GABBR2: variants seen among roughly 807,000 people sequenced by gnomAD.
GABBR2 encodes G-protein coupled receptor 51.
Under a neutral mutation model 105.6 loss-of-function variants are expected in GABBR2, and 23 were observed. The observed-to-expected ratio is 0.22, with a 90% CI of 0.16 to 0.31. The LOEUF (loss-of-function observed/expected upper bound fraction) is 0.31, where lower values mean the gene tolerates loss of function less well. Ranked by LOEUF, GABBR2 falls within the 10% of genes least tolerant of loss-of-function variation. GABBR2 has a pLI of 1.00. For missense variants in GABBR2, 734 were observed against 1,245.5 expected, an observed-to-expected ratio of 0.59 and a Z score of 6.18; for synonymous variants, 478 against 499.7, an observed-to-expected ratio of 0.96 and a Z score of 0.58.
At chr9:98,554,478 A>G (rs1319257456) in intron 2 of GABBR2, among the ~76,000 whole-genome samples, 5 of 152,256 alleles carry the variant, frequency 3.3e-5, no homozygotes, top group African/African-American at 1.2e-4. Context: ...CAATGAAAAC[A>G]TATGAAACAA....
At chr9:98,371,093 C>T (rs1831773176) in intron 12 of GABBR2, among the ~76,000 whole-genome samples, 1 of 152,136 alleles carries the variant, frequency 6.6e-6, no homozygotes. Context: ...CCTGACCACC[C>T]TCCTCCCATC....
chr9:98,470,727 C>T (rs1302036721), intron 6 of GABBR2, among the ~76,000 whole-genome samples: 2 of 152,172 alleles, frequency 1.3e-5, no homozygotes, highest in South Asian at 2.1e-4. Context: ...ACCTCACTTT[C>T]CTCACCCTAA....
At chr9:98,669,803 G>T (rs1830384303) in intron 1 of GABBR2, among the ~76,000 whole-genome samples, 1 of 152,126 alleles carries the variant, frequency 6.6e-6, no homozygotes, top group Admixed American at 6.5e-5. Context: ...GGGGCTGGGG[G>T]CTGGCACAGT....
chr9:98,299,685 G>C (rs1398626492), intron 16 of GABBR2, among the ~76,000 whole-genome samples: 1 of 152,120 alleles, frequency 6.6e-6, no homozygotes, highest in African/African-American at 2.4e-5. Context: ...GCAAACCCAA[G>C]GCTGCCCCTT....
chr9:98,651,289 A>G (rs1054437601), intron 1 of GABBR2, among the ~76,000 whole-genome samples: 1 of 151,760 alleles, frequency 6.6e-6, no homozygotes, highest in Non-Finnish European at 1.5e-5. Context: ...GATTACAGGC[A>G]TGCACCACCA....
At chr9:98,528,565 C>G (rs1828006084) in intron 3 of GABBR2, among the ~76,000 whole-genome samples, 1 of 151,814 alleles carries the variant, frequency 6.6e-6, no homozygotes, top group Non-Finnish European at 1.5e-5. Context: ...ACAAATATGA[C>G]AAAAGGCTGA....
chr9:98,369,545 T>G (rs2131458556), intron 12 of GABBR2, among the ~76,000 whole-genome samples: 1 of 152,160 alleles, frequency 6.6e-6, no homozygotes, highest in East Asian at 1.9e-4. Context: ...GACTAAGAGC[T>G]TTGTCTAACA....
At chr9:98,663,150 C>T (rs1253306982) in intron 1 of GABBR2, among the ~76,000 whole-genome samples, 3 of 151,102 alleles carry the variant, frequency 2.0e-5, no homozygotes, top group Non-Finnish European at 4.4e-5. Context: ...AATGCCAGAA[C>T]TGTCATCAAG....
intron 13 of GABBR2, among the ~76,000 whole-genome samples, chr9:98,357,620 T>C (rs10985999): frequency 0.044 from 6,624 of 151,940 alleles, 455 homozygotes; most frequent in East Asian, 0.25. Flanking sequence ...CCAGTCTGGG[T>C]AACAGAGTGA....
intron 1 of GABBR2, among the ~76,000 whole-genome samples, chr9:98,584,839 G>A (rs1254461468): frequency 6.6e-5 from 10 of 152,088 alleles, no homozygotes; most frequent in Non-Finnish European, 1.0e-4. Flanking sequence ...GGTCTCCCAC[G>A]CAGGAGCACT....
chr9:98,688,604 C>T (rs992557637), intron 1 of GABBR2, among the ~76,000 whole-genome samples: 2 of 152,160 alleles, frequency 1.3e-5, no homozygotes, highest in South Asian at 2.1e-4. Flanking sequence ...GCTCCCTGAT[C>T]TAATCAGCCT....
intron 7 of GABBR2, among the ~76,000 whole-genome samples, chr9:98,441,877 T>C (rs1444714594): frequency 1.3e-5 from 2 of 152,120 alleles, no homozygotes; most frequent in Middle Eastern, 3.2e-3. Context: ...ACCACTGCCA[T>C]GGAAAAAGTT....
chr9:98,365,413 C>T (rs1342275564), intron 12 of GABBR2, among the ~76,000 whole-genome samples: 2 of 152,110 alleles, frequency 1.3e-5, no homozygotes, highest in Non-Finnish European at 2.9e-5. Flanking sequence ...TGATACTGCA[C>T]CTAAGCTCTA....
chr9:98,376,761 G>C (rs993569729), intron 11 of GABBR2, among the ~76,000 whole-genome samples: 7 of 152,194 alleles, frequency 4.6e-5, no homozygotes, highest in African/African-American at 1.7e-4. Flanking sequence ...CTGGAGCTTA[G>C]AGTACAGCAG....
chr9:98,324,493 G>GACACACACACACACACACAC (rs3983548), intron 13 of GABBR2, among the ~76,000 whole-genome samples: 1 of 143,378 alleles, frequency 7.0e-6, no homozygotes, highest in Admixed American at 6.9e-5. Context: ...CTACAGAGCC[G>GACACACACACACACACACAC]ACACACACAC....
At chr9:98,423,676 T>C (rs1832824751) in intron 7 of GABBR2, among the ~76,000 whole-genome samples, 1 of 152,242 alleles carries the variant, frequency 6.6e-6, no homozygotes, top group Admixed American at 6.5e-5. Context: ...ATGAAGTCCT[T>C]GCCCATGCCT....
intron 1 of GABBR2, among the ~76,000 whole-genome samples, chr9:98,684,814 A>G (rs1289667714): frequency 1.3e-5 from 2 of 152,194 alleles, no homozygotes; most frequent in African/African-American, 2.4e-5. Flanking sequence ...CGTCAGCGCA[A>G]TGGACTCTGC....
intron 2 of GABBR2, among the ~76,000 whole-genome samples, chr9:98,557,491 A>G (rs1161923059): frequency 2.0e-5 from 3 of 152,194 alleles, no homozygotes; most frequent in Non-Finnish European, 2.9e-5. Flanking sequence ...GGTCAATATG[A>G]AGAAGAAACC....
At chr9:98,338,577 G>A (rs1470694051) in intron 13 of GABBR2, among the ~76,000 whole-genome samples, 2 of 152,150 alleles carry the variant, frequency 1.3e-5, no homozygotes, top group East Asian at 1.9e-4. Flanking sequence ...AAAACCACCA[G>A]AAACCTTTAT....
Sources: allele counts gnomAD v4.1 joint callset (sites outside exome capture counted in the v4.1 genomes callset), GRCh38; gene constraint gnomAD v4.1.1; transcripts MANE v1.5; gene names NCBI Gene and HGNC (gene_info 2026-07-23, HGNC 2026-07-21).